The following PSMA1 variants were observed in gnomAD, a reference collection of about 807,000 sequenced individuals.
PSMA1 encodes the protein proteasome 20S subunit alpha 1, also known as proteasome subunit alpha type-1.
A neutral mutation model predicts 38.4 loss-of-function variants in PSMA1; 3 were observed. The observed-to-expected ratio is 0.08, with a 90% CI of 0.04 to 0.20. The LOEUF is 0.20. Among genes scored for constraint, PSMA1 ranks in the 10% least tolerant of loss-of-function variants. PSMA1 has a pLI of 1.00. For synonymous variants in PSMA1, 101 were observed against 107.1 expected, an observed-to-expected ratio of 0.94 and a Z score of 0.35; for missense variants, 227 against 325.3, an observed-to-expected ratio of 0.70 and a Z score of 2.32.
chr11:14,516,610 G>T (rs1447687925), intron 4 of PSMA1, among the ~76,000 whole-genome samples: 1 of 152,144 alleles, frequency 6.6e-6, no homozygotes, highest in Admixed American at 6.5e-5. Flanking sequence ...TGTGTTAGTG[G>T]TTTACAGTAG....
intron 2 of PSMA1, among the ~76,000 whole-genome samples, chr11:14,592,395 T>TATA (rs1554971761): frequency 7.2e-4 from 95 of 132,546 alleles, no homozygotes; most frequent in East Asian, 1.6e-3. Flanking sequence ...TATATATATA[T>TATA]TTTTTTTTTA....
intron 2 of PSMA1, among the ~76,000 whole-genome samples, chr11:14,540,043 C>T (rs1480762405): frequency 1.3e-5 from 2 of 152,194 alleles, no homozygotes; most frequent in South Asian, 2.1e-4. Flanking sequence ...GAACCTCTCT[C>T]CACCACTAAC....
chr11:14,551,514 A>AG (rs1013884503), intron 2 of PSMA1, among the ~76,000 whole-genome samples: 1 of 152,204 alleles, frequency 6.6e-6, no homozygotes, highest in Non-Finnish European at 1.5e-5. Flanking sequence ...AAGTGCTGTC[A>AG]GGGGGAAGAG....
intron 2 of PSMA1, among the ~76,000 whole-genome samples, chr11:14,558,829 T>A (rs918783645): frequency 1.3e-5 from 2 of 152,246 alleles, no homozygotes; most frequent in African/African-American, 4.8e-5. Flanking sequence ...AGAAATCTAC[T>A]GGTTAGGAAC....
At chr11:14,592,354 G>GTCTCTC (rs569894376) in intron 2 of PSMA1, among the ~76,000 whole-genome samples, 13,325 of 135,564 alleles carry the variant, frequency 0.098, 829 homozygotes, top group African/African-American at 0.16. Context: ...CTCTGACACA[G>GTCTCTC]TCTCTCTCTC....
chr11:14,542,754 A>G lies in PSMA1; in HGVS notation c.22-23713T>C, dbSNP rs181454000. On this transcript the variant is annotated intron_variant, in intron 2 of 10. Coordinates refer to the PSMA1 transcript ENST00000418988. ...CAGGAACCTGAGTTCCAGAGAAGTA[A>G]GGATATATAGTTCCAATTCTAGAGC... Among the ~76,000 whole-genome samples, 116 of 152,358 alleles carry G rather than the reference A, an allele frequency of 7.6e-4. 1 individual carries two copies. Among genetic ancestry groups the G allele is most frequent in the Non-Finnish European group, 2.9e-5 (2 of 68,034 alleles).
chr11:14,594,417 G>A lies in PSMA1; in HGVS notation c.21+16549C>T, dbSNP rs141408799. Among the ~76,000 whole-genome samples, 576 of 152,256 alleles carry A rather than the reference G, an allele frequency of 3.8e-3. 2 individuals are homozygous for A. The highest frequency in any genetic ancestry group is 5.7e-3 in the Non-Finnish European group (388 of 68,018). ...AAGCTTGATAAATTGTTGGCACAGGGAAGGGGGGGGTTCAGCTTTACATTT... is the reference window on the plus strand; with the variant it reads ...AAGCTTGATAAATTGTTGGCACAGGAAAGGGGGGGGTTCAGCTTTACATTT... On this transcript the variant is annotated intron_variant, in intron 2 of 10. Coordinates refer to the PSMA1 transcript ENST00000418988.
intron 2 of PSMA1, among the ~76,000 whole-genome samples, chr11:14,591,385 T>A (rs1452080665): frequency 6.6e-6 from 1 of 152,166 alleles, no homozygotes; most frequent in African/African-American, 2.4e-5. Context: ...GCCTCCCCGA[T>A]GAGTGCCGCC....
At chr11:14,629,692 C>A (rs1252024728) in intron 1 of PSMA1, among the ~76,000 whole-genome samples, 1 of 152,040 alleles carries the variant, frequency 6.6e-6, no homozygotes, top group Non-Finnish European at 1.5e-5. Flanking sequence ...TAGTTTTTTC[C>A]AATTCTGGGA....
chr11:14,640,518 C>A (rs1282518029), intron 1 of PSMA1, among the ~76,000 whole-genome samples: 1 of 152,142 alleles, frequency 6.6e-6, no homozygotes, highest in African/African-American at 2.4e-5. Flanking sequence ...TTCTAAATAG[C>A]ATTTAGTACA....
rs193020208 is a variant in PSMA1 at position 14,588,347 on chromosome 11, A to G, written c.21+22619T>C. Among the ~76,000 whole-genome samples, 697 of 152,356 alleles carry G rather than the reference A, an allele frequency of 4.6e-3. 9 individuals carry two copies. The highest frequency in any genetic ancestry group is 0.015 in the African/African-American group (626 of 41,580). On this transcript the variant is annotated intron_variant, in intron 2 of 10. Transcript: ENST00000418988. ...CACGTACATTTACAGCACAATTTCA[A>G]CACCTCTAACAGGAGTAGGTGGAGG...
At chr11:14,627,310 G>A (rs919866599) in intron 1 of PSMA1, among the ~76,000 whole-genome samples, 2 of 152,290 alleles carry the variant, frequency 1.3e-5, no homozygotes, top group African/African-American at 4.8e-5. Context: ...TCAGGATAAT[G>A]TGGTTCCTAG....
upstream of PSMA1, chr11:14,520,515 A>T (rs542904473): frequency 7.1e-6 from 10 of 1,418,296 alleles, 1 homozygote; most frequent in South Asian, 1.0e-4. Flanking sequence ...GCCTCGGAAG[A>T]TCTAGGAACT....
At chr11:14,521,195 C>A (rs976601014), upstream of PSMA1, among the ~76,000 whole-genome samples, 1 of 133,972 alleles carries the variant, frequency 7.5e-6, no homozygotes, top group Non-Finnish European at 1.6e-5. Flanking sequence ...TGGTGGCTCA[C>A]GCCTGTAATC....
At chr11:14,510,574 C>T (rs1193571167) in intron 8 of PSMA1, among the ~76,000 whole-genome samples, 2 of 152,104 alleles carry the variant, frequency 1.3e-5, no homozygotes, top group African/African-American at 2.4e-5. Flanking sequence ...AGTGCCTGCA[C>T]ATGGTAGGTG....
intron 1 of PSMA1, among the ~76,000 whole-genome samples, chr11:14,637,531 T>C (rs1853125361): frequency 6.6e-6 from 1 of 152,182 alleles, no homozygotes; most frequent in Non-Finnish European, 1.5e-5. Context: ...TTTGCAAACA[T>C]AAATCTTTTT....
chr11:14,555,850 T>C, intron 2 of PSMA1, among the ~76,000 whole-genome samples: 1 of 152,232 alleles, frequency 6.6e-6, no homozygotes, highest in East Asian at 1.9e-4. Context: ...AATCATTTTG[T>C]TTTCCCTTTA....
chr11:14,517,899 G>C lies in PSMA1; in HGVS notation c.131C>G (p.Ala44Gly), dbSNP rs764932022. Residue 44 changes from alanine (A) to glycine (G), a missense_variant, in exon 3 of 10, where the codon GCA (alanine) becomes GGA (glycine). Transcript: ENST00000396394. ...ATVGLKSKTHAVLVALKRAQS... is the reference protein window; with the variant it reads ...ATVGLKSKTHGVLVALKRAQS... ...ACTTACTTTCAATGCAACCAAAACT[G>C]CATGAGTTTTTGATTTCAGACCAAC... 4 of 1,605,690 alleles carry C rather than the reference G, an allele frequency of 2.5e-6. No homozygotes were observed. The East Asian group carries it at 6.7e-5, about 27-fold the overall frequency.
intron 8 of PSMA1, among the ~76,000 whole-genome samples, chr11:14,509,285 T>C (rs1280816903): frequency 6.6e-6 from 1 of 152,136 alleles, no homozygotes; most frequent in Non-Finnish European, 1.5e-5. Context: ...GCCCAAAACC[T>C]TGGAGACATT....
Sources: allele counts gnomAD v4.1 joint callset (sites outside exome capture counted in the v4.1 genomes callset), GRCh38; gene constraint gnomAD v4.1.1; transcripts MANE v1.5; gene names NCBI Gene and HGNC (gene_info 2026-07-23, HGNC 2026-07-21).